The following PDE9A variants were observed in gnomAD, a reference collection of about 807,000 sequenced individuals.
PDE9A encodes phosphodiesterase 9A.
A neutral mutation model predicts 87.4 loss-of-function variants in PDE9A; 60 were observed. That is an observed-to-expected ratio of 0.69 (90% confidence interval 0.56 to 0.85). The LOEUF is 0.85. Ranked by LOEUF, PDE9A falls within the 40% of genes least tolerant of loss-of-function variation. The probability of loss-of-function intolerance (pLI) is 0.00; values close to 1 mark genes in which losing one functional copy is unlikely to be tolerated. For synonymous variants in PDE9A, 272 were observed against 279.4 expected, an observed-to-expected ratio of 0.97 and a Z score of 0.27; for missense variants, 665 against 779.0, an observed-to-expected ratio of 0.85 and a Z score of 1.74.
chr21:42,729,016 A>AAAAGAATGGTAG (rs1486352527), intron 4 of PDE9A, among the ~76,000 whole-genome samples: 2 of 151,774 alleles, frequency 1.3e-5, no homozygotes, highest in Non-Finnish European at 2.9e-5. Context: ...AAAAAAAAAA[A>AAAAGAATGGTAG]AGAATGGTAG....
chr21:42,726,503 C>G (rs1045722071), intron 4 of PDE9A, among the ~76,000 whole-genome samples: 2 of 148,186 alleles, frequency 1.3e-5, no homozygotes, highest in Admixed American at 1.4e-4. Context: ...GGTCAAGGCT[C>G]TTTTTCTTGT....
chr21:42,656,061 G>A (rs1432897658), intron 1 of PDE9A, among the ~76,000 whole-genome samples: 2 of 152,218 alleles, frequency 1.3e-5, no homozygotes, highest in Non-Finnish European at 2.9e-5. Flanking sequence ...TTTCAGTGCC[G>A]CTGCCATCAG....
chr21:42,691,886 C>T (rs1455518050), intron 3 of PDE9A, among the ~76,000 whole-genome samples: 1 of 151,874 alleles, frequency 6.6e-6, no homozygotes, highest in African/African-American at 2.4e-5. Flanking sequence ...CCAAAGTGAC[C>T]AGCCCCTTTA....
In PDE9A at chr21:42,687,915, A is replaced by G; in HGVS notation, c.141-2A>G. 1 of 1,612,980 alleles carries G rather than the reference A, an allele frequency of 6.2e-7. No homozygotes were observed. Among genetic ancestry groups the G allele is most frequent in the Non-Finnish European group, 8.5e-7 (1 of 1,179,788 alleles). ...AAACACGGGCTTGGGTGTGTTTTCC[A>G]GGAACACGACCATCTCCCTGCTGAC... On this transcript the variant is annotated splice_acceptor_variant, in intron 2 of 19. Coordinates refer to ENST00000291539, the MANE Select transcript of PDE9A (RefSeq NM_002606.3). LOFTEE classifies it high-confidence loss of function.
intron 1 of PDE9A, among the ~76,000 whole-genome samples, chr21:42,678,902 C>T (rs1469734688): frequency 2.0e-5 from 3 of 152,236 alleles, no homozygotes; most frequent in Admixed American, 6.5e-5. Flanking sequence ...TTCCCCTCGG[C>T]GTGTCTGGGC....
intron 19 of PDE9A, among the ~76,000 whole-genome samples, chr21:42,773,832 C>T (rs183598605): frequency 6.7e-6 from 1 of 148,722 alleles, no homozygotes; most frequent in Non-Finnish European, 1.5e-5. Flanking sequence ...AAGCCGGGCG[C>T]AGTGGCTCAT....
intron 19 of PDE9A, among the ~76,000 whole-genome samples, chr21:42,773,628 C>T (rs771348518): frequency 5.4e-5 from 8 of 147,682 alleles, no homozygotes; most frequent in Non-Finnish European, 8.9e-5. Context: ...GGTGAAACCC[C>T]GTCTCTACTT....
At chr21:42,710,524 G>A (rs889491574) in intron 4 of PDE9A, among the ~76,000 whole-genome samples, 1 of 152,042 alleles carries the variant, frequency 6.6e-6, no homozygotes, top group Non-Finnish European at 1.5e-5. Context: ...CCACATCCCT[G>A]CAACACTAAG....
intron 1 of PDE9A, among the ~76,000 whole-genome samples, chr21:42,671,244 C>T (rs573006411): frequency 1.3e-5 from 2 of 152,260 alleles, no homozygotes; most frequent in East Asian, 1.9e-4. Flanking sequence ...GGCTTCATGA[C>T]GCTTTCCTCC....
At chr21:42,686,113 A>G in intron 1 of PDE9A, 79 bp from the exon 2 acceptor site, 10 of 1,021,782 alleles carry the variant, frequency 9.8e-6, no homozygotes, top group Non-Finnish European at 1.5e-5. Context: ...TTGGAGCCGA[A>G]GCGGAAGCAC....
chr21:42,760,465 A>G lies in PDE9A; in HGVS notation c.1002+33A>G. On this transcript the variant is annotated intron_variant, in intron 12 of 19. Coordinates refer to ENST00000291539, the MANE Select transcript of PDE9A (RefSeq NM_002606.3). This position sits in a 1 kb window ranked among gnomAD's most constrained non-coding sequence, Gnocchi z 5.2. ...CTGCCCGCTGCACACCCAGACCTCTACTCTCGGGGGTCAGACGGAGGCCCC... is the reference window on the plus strand; with the variant it reads ...CTGCCCGCTGCACACCCAGACCTCTGCTCTCGGGGGTCAGACGGAGGCCCC... 1 of 1,304,200 alleles carries G rather than the reference A, an allele frequency of 7.7e-7. No homozygotes were observed. Among genetic ancestry groups the G allele is most frequent in the South Asian group, 1.2e-5 (1 of 83,680 alleles). 80.8% of individuals were successfully genotyped at this position (1,304,200 alleles called of 1,614,324 possible).
At chr21:42,673,524 T>C (rs765435464) in intron 1 of PDE9A, among the ~76,000 whole-genome samples, 1 of 152,330 alleles carries the variant, frequency 6.6e-6, no homozygotes, top group East Asian at 1.9e-4. Flanking sequence ...CCTCACAGAA[T>C]TGTGATACCG....
intron 9 of PDE9A, among the ~76,000 whole-genome samples, chr21:42,751,880 G>A (rs1389111155): frequency 1.3e-5 from 2 of 151,834 alleles, no homozygotes; most frequent in East Asian, 3.9e-4. Context: ...CCAAGTAGGG[G>A]GCATTACAGG....
intron 4 of PDE9A, chr21:42,724,629 A>G: frequency 3.1e-6 from 3 of 981,022 alleles, no homozygotes; most frequent in South Asian, 4.7e-5. Flanking sequence ...CATATATTCC[A>G]TCGGTGTAAG....
chr21:42,752,855 A>G (rs1218633966), intron 9 of PDE9A, among the ~76,000 whole-genome samples: 3 of 152,212 alleles, frequency 2.0e-5, no homozygotes, highest in Non-Finnish European at 4.4e-5. Flanking sequence ...GAAGCAACCC[A>G]GGGGCACCGG....
intron 7 of PDE9A, among the ~76,000 whole-genome samples, chr21:42,734,955 GA>G (rs2052236760): frequency 6.6e-6 from 1 of 152,214 alleles, no homozygotes; most frequent in Admixed American, 6.5e-5. Context: ...GGCTGAAGAG[GA>G]CCAGGCACTC....
chr21:42,661,089 T>A (rs56159642), intron 1 of PDE9A, among the ~76,000 whole-genome samples: 28,626 of 151,098 alleles, frequency 0.19, 2,797 homozygotes, highest in African/African-American at 0.22. Context: ...TAGAGTGCAG[T>A]GGCGTGATCT....
rs139483384 is a variant in PDE9A, at chr21:42,659,110, C to A, written c.69+5227C>A. On this transcript the variant is annotated intron_variant, in intron 1 of 19. Coordinates refer to ENST00000291539, the MANE Select transcript of PDE9A (RefSeq NM_002606.3). This position sits in a 1 kb window ranked among gnomAD's most constrained non-coding sequence, Gnocchi z 4.1. Reference sequence around the variant, plus strand: ...ACAGCAGGTGCTGTCTCGGAGAGGGCACAGGAAACTGGGCCCTTCCCAATT... The same window carrying A: ...ACAGCAGGTGCTGTCTCGGAGAGGGAACAGGAAACTGGGCCCTTCCCAATT... Among the ~76,000 whole-genome samples the A allele has an allele frequency of 2.6e-3, 394 of 152,324 alleles. No homozygotes were observed. Among genetic ancestry groups the A allele is most frequent in the African/African-American group, 9.2e-3 (381 of 41,578 alleles).
intron 1 of PDE9A, among the ~76,000 whole-genome samples, chr21:42,678,055 G>A (rs1569133211): frequency 6.6e-6 from 1 of 152,264 alleles, no homozygotes; most frequent in Non-Finnish European, 1.5e-5. Flanking sequence ...CCAAACTAGA[G>A]TCTGACAAAC....
Sources: gnomAD v4.1 joint callset for allele counts (sites outside exome capture counted in the v4.1 genomes callset) on GRCh38, gnomAD v4.1.1 for gene constraint, Gnocchi (gnomAD v3.1) non-coding constraint, MANE v1.5 for transcripts, NCBI Gene and HGNC (gene_info 2026-07-23, HGNC 2026-07-21) for gene names.